MAPK8IP3: variants seen among roughly 807,000 people sequenced by gnomAD.
MAPK8IP3 encodes C-Jun-amino-terminal kinase-interacting protein 3.
In MAPK8IP3, 49 loss-of-function variants were observed where a neutral mutation model predicts 157.8. The ratio of observed to expected loss-of-function variants is 0.31; its 90% confidence interval spans 0.25 to 0.39. The LOEUF (loss-of-function observed/expected upper bound fraction) is 0.39, where lower values mean the gene tolerates loss of function less well. MAPK8IP3 is among the 10% of genes least tolerant of loss of function. The probability of loss-of-function intolerance (pLI) is 1.00; values close to 1 mark genes in which losing one functional copy is unlikely to be tolerated. For synonymous variants in MAPK8IP3, 897 were observed against 777.7 expected (o/e 1.15, Z -2.55); for missense variants, 1,478 against 1,889.4 (o/e 0.78, Z 4.04).
chr16:1,765,295 G>A, intron 20 of MAPK8IP3, 117 bp downstream of exon 20: 2 of 1,251,402 alleles, frequency 1.6e-6, no homozygotes, highest in Non-Finnish European at 2.2e-6. Flanking sequence ...ACACGGGAAT[G>A]TGGCAGTGGA....
At chr16:1,753,111 A>C (rs1004497881) in intron 8 of MAPK8IP3, among the ~76,000 whole-genome samples, 5 of 152,228 alleles carry the variant, frequency 3.3e-5, no homozygotes, top group African/African-American at 1.2e-4. Context: ...AAAAGTCGGC[A>C]GGTGGAGAGC....
chr16:1,765,929 G>A lies in MAPK8IP3; in HGVS notation c.2447-31G>A, dbSNP rs111640462. The A allele has an allele frequency of 1.4e-4, 226 of 1,584,378 alleles. No individual in the cohort carries two copies. In the African/African-American group the frequency reaches 2.5e-3, roughly 18 times the overall value. On this transcript the variant is annotated intron_variant, in intron 20 of 31. Transcript: ENST00000610761. ...CGCCCTTGCAGTAGTGGGTTCCCCC[G>A]CACAGGCTGACGGGCCGTCCCTCTC...
At chr16:1,765,748 C>T (rs1596801621) in intron 20 of MAPK8IP3, among the ~76,000 whole-genome samples, 1 of 152,180 alleles carries the variant, frequency 6.6e-6, no homozygotes, top group Admixed American at 6.5e-5. Context: ...CCCCTTGGCC[C>T]AGGGGCCTAC....
chr16:1,727,159 G>A (rs1339019454), intron 2 of MAPK8IP3, among the ~76,000 whole-genome samples: 1 of 149,876 alleles, frequency 6.7e-6, no homozygotes, highest in Non-Finnish European at 1.5e-5. Context: ...GTGCTGTGTG[G>A]AGGGTCTGTG....
intron 4 of MAPK8IP3, among the ~76,000 whole-genome samples, chr16:1,738,059 T>A (rs570532335): frequency 1.3e-5 from 1 of 78,978 alleles, no homozygotes; most frequent in Non-Finnish European, 2.3e-5. Context: ...TCCGTGTGAG[T>A]GTGTGACCAT....
At chr16:1,732,856 A>G (rs1414997632) in intron 4 of MAPK8IP3, among the ~76,000 whole-genome samples, 190 of 134,330 alleles carry the variant, frequency 1.4e-3, no homozygotes, top group African/African-American at 5.0e-3. Flanking sequence ...AAGAATGGGC[A>G]GCGCCAGCCA....
Position 1,767,869 on chromosome 16 carries a change from C to G in MAPK8IP3, c.3474C>G (p.Leu1158=). The G allele has an allele frequency of 6.2e-7, 1 of 1,611,526 alleles. No individual in the cohort carries two copies. The highest frequency in any genetic ancestry group is 1.1e-5 in the South Asian group (1 of 91,088). Residue 1158 remains leucine, a synonymous_variant, in exon 28 of 32, where the codon CTC becomes CTG. Transcript: ENST00000610761. The stretch of plus-strand genomic sequence containing the variant: ...CCCTGCTTGTCGCGGGCAGCCGGCT[C>G]TGGGTGGGCACCGGCAACGGAGTGG... ...ITALLVAGSR[L]WVGTGNGVVI... is the part of the protein sequence containing the mutation.
chr16:1,726,425 C>G (rs1012476646), intron 2 of MAPK8IP3, among the ~76,000 whole-genome samples: 1 of 152,154 alleles, frequency 6.6e-6, no homozygotes, highest in African/African-American at 2.4e-5. Context: ...CCATAACTTC[C>G]ACACTTTGGG....
chr16:1,718,043 T>C (rs1390920765), intron 1 of MAPK8IP3, among the ~76,000 whole-genome samples: 4 of 151,654 alleles, frequency 2.6e-5, no homozygotes, highest in Non-Finnish European at 5.9e-5. Flanking sequence ...TTAGTAGAGA[T>C]GGGGTTTCAC....
chr16:1,731,789 G>A (rs79922422), intron 4 of MAPK8IP3, among the ~76,000 whole-genome samples: 140 of 152,274 alleles, frequency 9.2e-4, no homozygotes, highest in African/African-American at 3.0e-3. Context: ...TCTTATACGC[G>A]TACCTGCATG....
intron 8 of MAPK8IP3, among the ~76,000 whole-genome samples, chr16:1,750,765 C>T (rs2041243636): frequency 6.6e-6 from 1 of 151,834 alleles, no homozygotes; most frequent in Non-Finnish European, 1.5e-5. Context: ...CCTGCCTCAG[C>T]CTCGTGAGTA....
At chr16:1,748,791 G>T (rs773380111) in intron 8 of MAPK8IP3, 71 bp downstream of exon 8, 8 of 1,365,414 alleles carry the variant, frequency 5.9e-6, no homozygotes, top group Middle Eastern at 1.8e-4. Flanking sequence ...GGTTTTGTTT[G>T]TAATGAAAGG....
At position 1,769,647 on chromosome 16, in the gene MAPK8IP3, G is replaced by C. The variant is rs193095181; in HGVS notation, c.*823G>C. The C allele has an allele frequency of 6.6e-6, 1 of 152,626 alleles. No homozygotes were observed. The highest frequency in any genetic ancestry group is 1.5e-5 in the Non-Finnish European group (1 of 68,246). The allele number at this position is 152,626 out of a possible 1,614,324, so 9.5% of individuals were successfully genotyped here. A position where few individuals can be genotyped will look rare whatever the true frequency, so the allele number is the denominator to read the frequency against. The stretch of plus-strand genomic sequence containing the variant: ...AGGGTGGGATTTCTCAGGCTGCCAG[G>C]GCAGGCCCAGGCCTCAGGAAGAAGG... On this transcript the variant is annotated 3_prime_UTR_variant, in exon 32 of 32. Coordinates refer to ENST00000610761, the MANE Select transcript of MAPK8IP3 (RefSeq NM_001318852.2).
chr16:1,712,881 G>A (rs550954969), intron 1 of MAPK8IP3, among the ~76,000 whole-genome samples: 387 of 152,340 alleles, frequency 2.5e-3, no homozygotes, highest in African/African-American at 8.9e-3. Context: ...TGCCTGGGGA[G>A]CTGGGCCCCC....
intron 3 of MAPK8IP3, 41 bp from the exon 4 acceptor site, chr16:1,729,446 C>A (rs772465878): frequency 8.3e-6 from 13 of 1,564,456 alleles, no homozygotes; most frequent in African/African-American, 2.7e-5. Context: ...CGGAGACAGC[C>A]CCCCACGGCA....
chr16:1,743,078 G>C lies in MAPK8IP3; in HGVS notation c.603-254G>C, dbSNP rs2040771247. ...CCACTGCACTCCAGCCTGGGTGACAGAGCGAGACTCCGCCTCAAAAAAAAT... is the reference window on the plus strand; with the variant it reads ...CCACTGCACTCCAGCCTGGGTGACACAGCGAGACTCCGCCTCAAAAAAAAT... On this transcript the variant is annotated intron_variant, in intron 4 of 31. Coordinates refer to ENST00000610761, the MANE Select transcript of MAPK8IP3 (RefSeq NM_001318852.2). This position sits in a 1 kb window ranked among gnomAD's most constrained non-coding sequence, Gnocchi z 5.6. Among the ~76,000 whole-genome samples, 1 of 152,026 alleles carries C rather than the reference G, an allele frequency of 6.6e-6. No homozygotes were observed. The highest frequency in any genetic ancestry group is 1.5e-5 in the Non-Finnish European group (1 of 68,020).
chr16:1,767,624 G>A lies in MAPK8IP3; in HGVS notation c.3298G>A (p.Asp1100Asn), dbSNP rs753999768. Residue 1100 changes from aspartate (D) to asparagine (N), a missense_variant, in exon 27 of 32, where the codon GAT becomes AAT. By Grantham distance (23) the Asp-to-Asn change is conservative. This residue lies in a region of MAPK8IP3 where 68 missense variants were observed against 125.1 expected (regional missense o/e 0.54). Coordinates refer to ENST00000610761, the MANE Select transcript of MAPK8IP3 (RefSeq NM_001318852.2). ...SQVRQLAWIG[D>N]GVWVSIRLDS... Reference sequence around the variant, plus strand: ...GGTGCGGCAGCTGGCGTGGATCGGCGATGGCGTATGGGTGTCCATCCGCCT... The same window carrying A: ...GGTGCGGCAGCTGGCGTGGATCGGCAATGGCGTATGGGTGTCCATCCGCCT... 4.7e-5 allele frequency: 75 copies of A among 1,612,426 alleles called. No homozygotes were observed. The highest frequency in any genetic ancestry group is 6.2e-5 in the Non-Finnish European group (73 of 1,179,976).
intron 1 of MAPK8IP3, among the ~76,000 whole-genome samples, chr16:1,709,735 G>T (rs1210209126): frequency 2.0e-5 from 3 of 152,376 alleles, no homozygotes; most frequent in East Asian, 3.9e-4. Flanking sequence ...CCAGAGGAGG[G>T]CCGGGCAGAG....
chr16:1,731,015 C>T (rs570644841), intron 4 of MAPK8IP3, among the ~76,000 whole-genome samples: 1 of 152,164 alleles, frequency 6.6e-6, no homozygotes, highest in African/African-American at 2.4e-5. Context: ...TGGCACATGC[C>T]TGTAGTCCCA....
Sources: gnomAD v4.1 joint callset for allele counts (sites outside exome capture counted in the v4.1 genomes callset) on GRCh38, gnomAD v4.1.1 for gene constraint, gnomAD v4.1.1 regional missense constraint, Gnocchi (gnomAD v3.1) non-coding constraint, MANE v1.5 for transcripts, NCBI Gene and HGNC (gene_info 2026-07-23, HGNC 2026-07-21) for gene names.